The following POMGNT1 variants were observed in gnomAD, a reference collection of about 807,000 sequenced individuals.
POMGNT1 encodes the protein protein O-linked-mannose beta-1,2-N-acetylglucosaminyltransferase 1.
POMGNT1 carries 67 observed loss-of-function variants against 95.6 expected under a neutral mutation model. The ratio of observed to expected loss-of-function variants is 0.70; its 90% CI spans 0.58 to 0.86. POMGNT1 has a LOEUF of 0.86. Among genes scored for constraint, POMGNT1 ranks in the 40% least tolerant of loss-of-function variants. POMGNT1 has a pLI of 0.00. For synonymous variants in POMGNT1, 298 were observed against 317.9 expected (o/e 0.94, Z 0.66); for missense variants, 719 against 855.2 (o/e 0.84, Z 1.99).
intron 1 of POMGNT1, among the ~76,000 whole-genome samples, chr1:46,209,537 C>CT (rs55948355): frequency 0.24 from 33,023 of 139,682 alleles, 4,158 homozygotes; most frequent in Non-Finnish European, 0.3. Context: ...TTGTTGTTTT[C>CT]TTTTTTTTTT....
At position 46,194,550 on chromosome 1, in the gene POMGNT1, C is replaced by T; in HGVS notation, c.751+3G>A. 6.2e-7 allele frequency: 1 copy of T among 1,614,148 alleles called. No homozygotes were observed. Among genetic ancestry groups the T allele is most frequent in the Non-Finnish European group, 8.5e-7 (1 of 1,180,018 alleles). ...TGCCCCATCCATGCTCCACTAACTC[C>T]ACCTTCTGCTGAGCTCAATGGCACA... On this transcript the variant is annotated splice_donor_region_variant and intron_variant, in intron 8 of 21. Transcript: ENST00000371984.
Position 46,193,842 on chromosome 1 carries a change from T to C in POMGNT1, c.950+13A>G. The C allele has an allele frequency of 6.2e-7, 1 of 1,613,900 alleles. No homozygotes were observed. Among genetic ancestry groups the C allele is most frequent in the African/African-American group, 1.3e-5 (1 of 75,058 alleles). ...CCTGTTCAGTGCTGGGTATAGCCCA[T>C]TCCCAGGCTTACCTGTACAGGTAAT... On this transcript the variant is annotated intron_variant, in intron 10 of 21. Transcript: ENST00000371984.
At chr1:46,214,924 A>G (rs913909604) in intron 1 of POMGNT1, among the ~76,000 whole-genome samples, 2 of 150,330 alleles carry the variant, frequency 1.3e-5, no homozygotes, top group Non-Finnish European at 3.0e-5. Flanking sequence ...CAGAAACTAG[A>G]GCAAGTATAG....
chr1:46,192,952 T>G lies in POMGNT1; in HGVS notation c.1159A>C (p.Lys387Gln). ...TATFNLFPEA[K>Q]FAVVLEEDLD... ...TCCTCTTCCAGAACCACAGCAAACT[T>G]GGCCTCCTAGAAGGGGAATGGGACA... Residue 387 changes from lysine (K) to glutamine (Q), a missense_variant, in exon 14 of 22, where the codon AAG becomes CAG. This residue lies in a region of POMGNT1 where 466 missense variants were observed against 517.4 expected (regional missense o/e 0.90). Transcript: ENST00000371984. 1 of 1,614,112 alleles carries G rather than the reference T, an allele frequency of 6.2e-7. No homozygotes were observed. The highest frequency in any genetic ancestry group is 8.5e-7 in the Non-Finnish European group (1 of 1,180,004).
Position 46,213,217 on chromosome 1 carries a change from G to A in POMGNT1, c.-51+6488C>T, listed in dbSNP as rs72899004. On this transcript the variant is annotated intron_variant, in intron 1 of 22. Coordinates refer to the POMGNT1 transcript ENST00000371992. ...AAAACATACGATGTTTCGATGAACA[G>A]CATATACCATAGTGATTTCATAAGA... Among the ~76,000 whole-genome samples the A allele has an allele frequency of 8.2e-3, 1,245 of 151,418 alleles. 19 individuals carry two copies. Among genetic ancestry groups the A allele is most frequent in the Middle Eastern group, 0.038 (11 of 292 alleles).
rs148131756 is a variant in POMGNT1, at chr1:46,194,354, G to C, written c.799C>G (p.Arg267Gly). The change falls in exon 9 of 22, where the codon CGC becomes GGC. Residue 267 changes from arginine to glycine, a missense_variant. By Grantham distance (125) the Arg-to-Gly change is moderately radical. Around this residue, in one of 5 missense-constraint regions of POMGNT1, gnomAD observed 466 missense variants for 517.4 expected, o/e 0.90. Transcript: ENST00000371984. ...TAGCCCTCAACTTTGCTGCAGAAGC[G>C]CCGGCGGCGACGGTTCAGCTCTGTG... ...ADTELNRRRRRFCSKVEGYGS... is the reference protein window; with the variant it reads ...ADTELNRRRRGFCSKVEGYGS... 2 of 1,614,194 alleles carry C rather than the reference G, an allele frequency of 1.2e-6. No individual in the cohort carries two copies. Among genetic ancestry groups the C allele is most frequent in the East Asian group, 2.2e-5 (1 of 44,878 alleles).
At chr1:46,198,990 G>T (rs575845683), upstream of POMGNT1, among the ~76,000 whole-genome samples, 24 of 152,238 alleles carry the variant, frequency 1.6e-4, no homozygotes, top group East Asian at 4.6e-3. Flanking sequence ...CGCCCAGGCT[G>T]GAGTGCAGTG....
intron 1 of POMGNT1, among the ~76,000 whole-genome samples, chr1:46,204,085 G>A (rs1658636813): frequency 1.3e-5 from 2 of 152,166 alleles, no homozygotes; most frequent in South Asian, 4.1e-4. Flanking sequence ...GTGGGTAAAG[G>A]GGCCTATCTG....
chr1:46,202,907 G>GGGGA (rs1553164809), upstream of POMGNT1, among the ~76,000 whole-genome samples: 2 of 31,182 alleles, frequency 6.4e-5, 1 homozygote, highest in African/African-American at 1.7e-4. Context: ...TCTAGCCCCT[G>GGGGA]GGGGGGGGGG....
At chr1:46,193,010 A>T in intron 13 of POMGNT1, 52 bp from the exon 14 acceptor site, 1 of 1,609,782 alleles carries the variant, frequency 6.2e-7, no homozygotes. Flanking sequence ...CCATCCTGTG[A>T]TCTCCTTTGC....
intron 1 of POMGNT1, among the ~76,000 whole-genome samples, chr1:46,216,517 T>C (rs1659076795): frequency 6.6e-6 from 1 of 152,084 alleles, no homozygotes; most frequent in African/African-American, 2.4e-5. Context: ...AATTTTTAAA[T>C]TTTTTGTAGA....
intron 1 of POMGNT1, among the ~76,000 whole-genome samples, chr1:46,208,617 C>T (rs984645416): frequency 1.3e-5 from 2 of 152,078 alleles, no homozygotes; most frequent in East Asian, 1.9e-4. Flanking sequence ...CCGAGGCGGG[C>T]GGATCACCTG....
intron 9 of POMGNT1, 100 bp from the exon 10 acceptor site, chr1:46,194,025 G>T: frequency 6.4e-7 from 1 of 1,573,362 alleles, no homozygotes. Context: ...GCAGACTGGA[G>T]TAGACAGGGA....
chr1:46,215,847 T>C (rs534873363), intron 1 of POMGNT1, among the ~76,000 whole-genome samples: 16 of 152,082 alleles, frequency 1.1e-4, no homozygotes, highest in African/African-American at 2.9e-4. Flanking sequence ...TAGTCAACCA[T>C]GATTGTGCCA....
At chr1:46,193,736 C>A in intron 10 of POMGNT1, 97 bp from the exon 11 acceptor site, 1 of 1,600,720 alleles carries the variant, frequency 6.2e-7, no homozygotes, top group South Asian at 1.1e-5. Context: ...TGCTTACCCA[C>A]AGAGGTGAAT....
chr1:46,203,460 C>T, intron 1 of POMGNT1: 2 of 1,505,006 alleles, frequency 1.3e-6, no homozygotes, highest in Non-Finnish European at 1.8e-6. Flanking sequence ...GACGCCTGAC[C>T]TGCGGGATGT....
At chr1:46,190,647 T>C (rs1248344296) in intron 18 of POMGNT1, 73 bp downstream of exon 18, 8 of 1,543,896 alleles carry the variant, frequency 5.2e-6, no homozygotes, top group East Asian at 2.2e-5. Flanking sequence ...AGGCCCAGCA[T>C]TGGAAGGGAC....
At chr1:46,198,752 C>T (rs1039545393), upstream of POMGNT1, among the ~76,000 whole-genome samples, 1 of 152,144 alleles carries the variant, frequency 6.6e-6, no homozygotes, top group Non-Finnish European at 1.5e-5. Context: ...GGGCTGCAAC[C>T]CTTGGACACA....
intron 1 of POMGNT1, chr1:46,219,595 T>C: frequency 1.6e-6 from 2 of 1,281,066 alleles, no homozygotes; most frequent in Non-Finnish European, 2.1e-6. Context: ...CCATCCGTCT[T>C]AAAGTGAAAC....
Sources: gnomAD v4.1 joint callset for allele counts (sites outside exome capture counted in the v4.1 genomes callset) on GRCh38, gnomAD v4.1.1 for gene constraint, gnomAD v4.1.1 regional missense constraint, MANE v1.5 for transcripts, NCBI Gene and HGNC (gene_info 2026-07-23, HGNC 2026-07-21) for gene names.